The following STRADA variants were observed in gnomAD, a reference collection of about 807,000 sequenced individuals.
STRADA encodes the protein STE20 related adaptor alpha, also known as STE20-related kinase adapter protein alpha.
A neutral mutation model predicts 55.0 loss-of-function variants in STRADA; 26 were observed. The ratio of observed to expected loss-of-function variants is 0.47; its 90% CI spans 0.35 to 0.66. The LOEUF is 0.66. STRADA is among the 30% of genes least tolerant of loss of function. STRADA has a pLI of 0.01. For missense variants in STRADA, 443 were observed against 549.7 expected, an observed-to-expected ratio of 0.81 and a Z score of 1.94; for synonymous variants, 197 against 210.9, an observed-to-expected ratio of 0.93 and a Z score of 0.57.
At chr17:63,732,251 C>G (rs1435528420) in intron 1 of STRADA, among the ~76,000 whole-genome samples, 1 of 152,090 alleles carries the variant, frequency 6.6e-6, no homozygotes, top group African/African-American at 2.4e-5. Flanking sequence ...GCAGTCCACC[C>G]GCCTCGGCCT....
chr17:63,730,397 C>CT (rs551513709), intron 1 of STRADA, among the ~76,000 whole-genome samples: 1,624 of 139,856 alleles, frequency 0.012, 25 homozygotes, highest in African/African-American at 0.034. Flanking sequence ...ACTTAGTTGA[C>CT]TTTTTTTTTT....
At chr17:63,738,139 G>C (rs1266083359) in intron 1 of STRADA, among the ~76,000 whole-genome samples, 1 of 151,638 alleles carries the variant, frequency 6.6e-6, no homozygotes, top group Non-Finnish European at 1.5e-5. Flanking sequence ...TCAGGAGTTC[G>C]AGACCAGCCT....
chr17:63,711,778 A>G (rs972915808), intron 6 of STRADA, among the ~76,000 whole-genome samples: 6 of 152,068 alleles, frequency 3.9e-5, no homozygotes, highest in Admixed American at 6.5e-5. Context: ...TATGAAACAT[A>G]CAAAAAATTA....
At chr17:63,731,790 A>G (rs2038074732) in intron 1 of STRADA, among the ~76,000 whole-genome samples, 1 of 152,162 alleles carries the variant, frequency 6.6e-6, no homozygotes, top group South Asian at 2.1e-4. Flanking sequence ...AGGCAGATAG[A>G]TGTTTTTATC....
chr17:63,726,378 T>A (rs1439355793), intron 3 of STRADA: 3 of 377,690 alleles, frequency 7.9e-6, no homozygotes, highest in African/African-American at 6.2e-5. Context: ...TAAAAATATG[T>A]ATTTCACCTG....
At chr17:63,726,956 G>T (rs1279095448) in intron 2 of STRADA, 2 of 484,770 alleles carry the variant, frequency 4.1e-6, no homozygotes, top group Non-Finnish European at 7.3e-6. Context: ...TAATAATGAA[G>T]ACTGTTTTTG....
rs1489815835 is a variant in STRADA, at chr17:63,714,008, A to G, written c.224T>C (p.Ile75Thr). The G allele has an allele frequency of 1.2e-6, 2 of 1,613,180 alleles. No homozygotes were observed. Among genetic ancestry groups the G allele is most frequent in the Non-Finnish European group, 1.7e-6 (2 of 1,179,346 alleles). Residue 75 changes from isoleucine (I) to threonine (T), a missense_variant and splice_region_variant, in exon 5 of 13, where the codon ATA (isoleucine) becomes ACA (threonine). Coordinates refer to ENST00000336174, the MANE Select transcript of STRADA (RefSeq NM_001003787.4). Reference sequence around the variant, plus strand: ...GTAAGGACGGCCCCTGCACATACCTATCACAGTGAGCAGCTCGTAACACCC... The same window carrying G: ...GTAAGGACGGCCCCTGCACATACCTGTCACAGTGAGCAGCTCGTAACACCC... ...EGGCYELLTV[I>T]GKGFEDLMTV...
intron 1 of STRADA, among the ~76,000 whole-genome samples, chr17:63,732,521 C>G (rs897541229): frequency 6.6e-6 from 1 of 151,382 alleles, no homozygotes; most frequent in Admixed American, 6.6e-5. Flanking sequence ...GTAGGCCGGG[C>G]GTGGTGGTTC....
In STRADA at chr17:63,714,751, G is replaced by A. The variant is rs189748817; in HGVS notation, c.124-643C>T. Among the ~76,000 whole-genome samples, 324 of 152,306 alleles carry A rather than the reference G, an allele frequency of 2.1e-3. 6 individuals carry two copies. The highest frequency in any genetic ancestry group is 4.6e-4 in the Admixed American group (7 of 15,294). On this transcript the variant is annotated intron_variant, in intron 4 of 12. Coordinates refer to ENST00000336174, the MANE Select transcript of STRADA (RefSeq NM_001003787.4). ...GGCCTGCTCCCTCGTTCCTGCCCAC[G>A]TGTGCTGTGAGTGAAGCTGGAGTCC...
chr17:63,725,281 C>T (rs1454824875), intron 3 of STRADA, among the ~76,000 whole-genome samples: 1 of 152,076 alleles, frequency 6.6e-6, no homozygotes, highest in Admixed American at 6.6e-5. Flanking sequence ...CCTATCTGGG[C>T]GTATTTTGGA....
intron 4 of STRADA, among the ~76,000 whole-genome samples, chr17:63,716,824 C>T (rs2036920466): frequency 6.6e-6 from 1 of 152,228 alleles, no homozygotes; most frequent in Non-Finnish European, 1.5e-5. Flanking sequence ...TTGTGCCTAA[C>T]ATCTGTTAAA....
intron 4 of STRADA, among the ~76,000 whole-genome samples, chr17:63,719,471 CA>C (rs2037134238): frequency 6.6e-6 from 1 of 151,948 alleles, no homozygotes; most frequent in Non-Finnish European, 1.5e-5. Flanking sequence ...TTGGAGAAAC[CA>C]CAGATAGATA....
chr17:63,721,447 G>A (rs1373179407), intron 4 of STRADA, among the ~76,000 whole-genome samples: 5 of 151,494 alleles, frequency 3.3e-5, no homozygotes, highest in Admixed American at 6.6e-5. Context: ...GACTGGGCAC[G>A]GTGGCTCACG....
chr17:63,726,463 A>C, intron 3 of STRADA, 175 bp downstream of exon 3: 1 of 578,010 alleles, frequency 1.7e-6, no homozygotes, highest in Non-Finnish European at 2.9e-6. Context: ...GAAAATTGCC[A>C]TGTTAGTCTT....
intron 10 of STRADA, chr17:63,705,083 C>T: frequency 1.5e-6 from 1 of 661,694 alleles, no homozygotes; most frequent in Non-Finnish European, 2.7e-6. Flanking sequence ...GGTGGCTGTT[C>T]CAAAGTACCC....
intron 4 of STRADA, among the ~76,000 whole-genome samples, chr17:63,721,164 G>A (rs530568591): frequency 6.6e-6 from 1 of 151,876 alleles, no homozygotes; most frequent in African/African-American, 2.4e-5. Context: ...ACAAGGTCAA[G>A]AGAACGAGAC....
At chr17:63,732,578 T>G (rs1363768195) in intron 1 of STRADA, among the ~76,000 whole-genome samples, 3 of 152,146 alleles carry the variant, frequency 2.0e-5, no homozygotes, top group Non-Finnish European at 2.9e-5. Flanking sequence ...GATGGATTTC[T>G]GGAGCTCAGG....
At chr17:63,716,645 G>A (rs561989152) in intron 4 of STRADA, among the ~76,000 whole-genome samples, 1 of 152,248 alleles carries the variant, frequency 6.6e-6, no homozygotes, top group Non-Finnish European at 1.5e-5. Context: ...GATTCTGCCA[G>A]TTGGATGGAA....
At chr17:63,735,073 T>C (rs927074713) in intron 1 of STRADA, among the ~76,000 whole-genome samples, 1 of 152,214 alleles carries the variant, frequency 6.6e-6, no homozygotes, top group African/African-American at 2.4e-5. Flanking sequence ...GAGAATCGTT[T>C]GAACCCAGGA....
Sources: allele counts gnomAD v4.1 joint callset (sites outside exome capture counted in the v4.1 genomes callset), GRCh38; gene constraint gnomAD v4.1.1; transcripts MANE v1.5; gene names NCBI Gene and HGNC (gene_info 2026-07-23, HGNC 2026-07-21).